The following NFRKB variants were observed in gnomAD, a reference collection of about 807,000 sequenced individuals.
NFRKB encodes nuclear factor related to kappa-B-binding protein.
In NFRKB, 62 loss-of-function variants were observed where a neutral mutation model predicts 135.7. The ratio of observed to expected loss-of-function variants is 0.46; its 90% CI spans 0.37 to 0.56. The LOEUF (loss-of-function observed/expected upper bound fraction) is 0.56. Among genes scored for constraint, NFRKB ranks in the 20% least tolerant of loss-of-function variants. NFRKB has a pLI of 0.00. For missense variants in NFRKB, 1,545 were observed against 1,662.0 expected (o/e 0.93, Z 1.22); for synonymous variants, 678 against 635.6 (o/e 1.07, Z -1.00).
chr11:129,873,038 G>A lies in NFRKB; in HGVS notation c.2609C>T (p.Pro870Leu). Reference sequence around the variant, plus strand: ...CGTGAGCCCTGTCTGCCCGGGTCCAGGCCGCTGCACAGTGGCTGCCGTAGT... The same window carrying A: ...CGTGAGCCCTGTCTGCCCGGGTCCAAGCCGCTGCACAGTGGCTGCCGTAGT... ...AQTTAATVQR[P>L]GPGQTGLTVT... The change falls in exon 23 of 27, where the codon CCT becomes CTT. Residue 870 changes from proline to leucine, a missense_variant. By Grantham distance (98) the Pro-to-Leu change is moderately conservative. Coordinates refer to ENST00000682444, the MANE Select transcript of NFRKB (RefSeq NM_001143835.2). 3 of 1,614,008 alleles carry A rather than the reference G, an allele frequency of 1.9e-6. No individual in the cohort carries two copies. In the South Asian group the frequency reaches 3.3e-5, roughly 18 times the overall value.
At chr11:129,886,537 C>T (rs1322498844) in intron 4 of NFRKB, 93 bp from the exon 5 acceptor site, 5 of 1,159,402 alleles carry the variant, frequency 4.3e-6, no homozygotes, top group Admixed American at 2.1e-5. Context: ...ACATGGTAAA[C>T]TCTGTACCAC....
intron 4 of NFRKB, chr11:129,888,354 G>A (rs1053746896): frequency 2.7e-5 from 18 of 664,638 alleles, no homozygotes; most frequent in Admixed American, 7.0e-5. Flanking sequence ...TGTAGATGCT[G>A]GTTACAAGCT....
At chr11:129,890,844 A>G (rs542805656) in intron 3 of NFRKB, among the ~76,000 whole-genome samples, 100 of 152,334 alleles carry the variant, frequency 6.6e-4, no homozygotes, top group Non-Finnish European at 1.2e-3. Context: ...GGATACAGAA[A>G]ATACGTGTAG....
At chr11:129,885,765 G>A (rs75499598) in intron 5 of NFRKB, among the ~76,000 whole-genome samples, 156 bp from the exon 6 acceptor site, 1,997 of 152,304 alleles carry the variant, frequency 0.013, 45 homozygotes, top group African/African-American at 0.045. Context: ...TAATATATCC[G>A]AAGAATCTGT....
At chr11:129,869,392 A>G in intron 24 of NFRKB, 102 bp downstream of exon 24, 1 of 1,369,548 alleles carries the variant, frequency 7.3e-7, no homozygotes, top group Non-Finnish European at 9.7e-7. Context: ...ACTCCTAAAA[A>G]GAAGTTTCCT....
In NFRKB at chr11:129,874,674, G is replaced by A; in HGVS notation, c.1979-94C>T. 6 of 1,601,760 alleles carry A rather than the reference G, an allele frequency of 3.7e-6. 1 individual carries two copies. Among genetic ancestry groups the A allele is most frequent in the Middle Eastern group, 1.7e-4 (1 of 6,002 alleles). On this transcript the variant is annotated intron_variant, in intron 19 of 26. Transcript: ENST00000682444. The surrounding 1 kb of genome is among the most constrained non-coding windows in gnomAD (Gnocchi z 4.5). ...AAAACCAACACCTTGCCAGTGGACTGAATCCTGCCTCTACCATCTTGTCCT... is the reference window on the plus strand; with the variant it reads ...AAAACCAACACCTTGCCAGTGGACTAAATCCTGCCTCTACCATCTTGTCCT...
In NFRKB at chr11:129,870,104, G is replaced by T; in HGVS notation, c.2921C>A (p.Pro974Gln). The change falls in exon 24 of 27, where the codon CCG becomes CAG. Residue 974 changes from proline (P) to glutamine (Q), a missense_variant. Pro to Gln is a moderately conservative substitution (Grantham distance 76, BLOSUM62 -1). This residue lies in a region of NFRKB where 753 missense variants were observed against 804.3 expected (regional missense o/e 0.94). Coordinates refer to ENST00000682444, the MANE Select transcript of NFRKB (RefSeq NM_001143835.2). ...CTTGGCCAATGTGGCCATCATGTCC[G>T]GAGTGATTCGCAGAACCGTCTGGCC... is the stretch of plus-strand genomic sequence containing the variant. ...AKGQTVLRIT[P>Q]DMMATLAKSQ... 1 of 1,614,274 alleles carries T rather than the reference G, an allele frequency of 6.2e-7. No homozygotes were observed. Among genetic ancestry groups the T allele is most frequent in the Non-Finnish European group, 8.5e-7 (1 of 1,180,052 alleles).
Position 129,881,845 on chromosome 11 carries a change from C to T in NFRKB, c.1200G>A (p.Glu400=). The change falls in exon 12 of 27, where the codon GAG becomes GAA. Residue 400 remains glutamate, a synonymous_variant. Coordinates refer to ENST00000682444, the MANE Select transcript of NFRKB (RefSeq NM_001143835.2). ...ESQASLPMLE[E]RVLDWQSSPA... ...GCGATGACTGCCAATCCAAAACTCGCTCCTCTAGCTGAGGGAAAGCAAAGG... is the reference window on the plus strand; with the variant it reads ...GCGATGACTGCCAATCCAAAACTCGTTCCTCTAGCTGAGGGAAAGCAAAGG... 1 of 1,604,324 alleles carries T rather than the reference C, an allele frequency of 6.2e-7. No homozygotes were observed. The highest frequency in any genetic ancestry group is 1.1e-5 in the South Asian group (1 of 89,176).
At chr11:129,878,613 T>TA in intron 13 of NFRKB, 70 bp from the exon 14 acceptor site, 1 of 1,245,104 alleles carries the variant, frequency 8.0e-7, no homozygotes, top group Non-Finnish European at 1.2e-6. Context: ...GCTTTCTCTT[T>TA]ACTAGCTGTA....
At chr11:129,884,372 C>A (rs1949170885) in intron 7 of NFRKB, among the ~76,000 whole-genome samples, 1 of 152,220 alleles carries the variant, frequency 6.6e-6, no homozygotes, top group African/African-American at 2.4e-5. Context: ...TCTTAACCAT[C>A]TTTGCTTCCT....
chr11:129,892,042 CTT>C (rs148860141), intron 3 of NFRKB, among the ~76,000 whole-genome samples: 2 of 149,782 alleles, frequency 1.3e-5, no homozygotes, highest in Non-Finnish European at 3.0e-5. Context: ...TAATTTCTTC[CTT>C]TTTTTTTTCT....
At chr11:129,870,321 C>A in intron 23 of NFRKB, 60 bp from the exon 24 acceptor site, 1 of 1,528,814 alleles carries the variant, frequency 6.5e-7, no homozygotes, top group Non-Finnish European at 8.8e-7. Context: ...TTACAAAATA[C>A]AACTAGACAA....
chr11:129,880,803 T>G lies in NFRKB; in HGVS notation c.1384+640A>C, dbSNP rs888023345. 3.9e-5 allele frequency among the ~76,000 whole-genome samples: 6 copies of G among 152,318 alleles called. 1 individual carries two copies. Among genetic ancestry groups the G allele is most frequent in the Middle Eastern group, 6.8e-3 (2 of 294 alleles). On this transcript the variant is annotated intron_variant, in intron 13 of 26. Transcript: ENST00000682444. ...GCCTGACACCCAGAAGCTGAATAAA[T>G]GTAATAAATAACGAATGAATGAGTC...
rs148289841 is a variant in NFRKB, at chr11:129,882,169, G to T, written c.1108C>A (p.Leu370Ile). Reference sequence around the variant, plus strand: ...CTGGAAGATATTTCATTGATTCCAAGGCAAGGCTTGAGGTCTTCAAGGGGC... The same window carrying T: ...CTGGAAGATATTTCATTGATTCCAATGCAAGGCTTGAGGTCTTCAAGGGGC... ...EEPLEDLKPC[L>I]GINEISSSFF... Residue 370 changes from leucine to isoleucine, a missense_variant, in exon 11 of 27, where the codon CTT becomes ATT. Physicochemically the swap from Leu to Ile is conservative, Grantham distance 5 (BLOSUM62 2). Transcript: ENST00000682444. 212 of 1,613,074 alleles carry T rather than the reference G, an allele frequency of 1.3e-4. 1 individual carries two copies. In the African/African-American group the frequency reaches 2.6e-3, roughly 20 times the overall value.
chr11:129,881,820 G>A lies in NFRKB; in HGVS notation c.1225C>T (p.Pro409Ser). The change falls in exon 12 of 27, where the codon CCA becomes TCA. Residue 409 changes from proline to serine, a missense_variant. Around this residue, in one of 3 missense-constraint regions of NFRKB, gnomAD observed 678 missense variants for 646.7 expected, o/e 1.05. Transcript: ENST00000682444. ...AACCAGCTGTTGAGGGAGCTGGCTG[G>A]CGATGACTGCCAATCCAAAACTCGC... Reference protein sequence around the residue: ...EERVLDWQSSPASSLNSWFSA... With the variant: ...EERVLDWQSSSASSLNSWFSA... 6.2e-7 allele frequency: 1 copy of A among 1,612,238 alleles called. No homozygotes were observed. Among genetic ancestry groups the A allele is most frequent in the East Asian group, 2.2e-5 (1 of 44,850 alleles).
intron 6 of NFRKB, among the ~76,000 whole-genome samples, chr11:129,885,178 T>C (rs913582159): frequency 6.6e-6 from 1 of 151,980 alleles, no homozygotes; most frequent in Non-Finnish European, 1.5e-5. Context: ...CAGGGAGTCG[T>C]CTGGCGGGCT....
chr11:129,865,967 C>T lies in NFRKB; in HGVS notation c.3548G>A (p.Arg1183Gln). ...STSQAGKLPT[R>Q]ITVPLSVISQ... ...GATCACAGAGAGGGGAACTGTGATC[C>T]GTGTAGGCAACTTCCCCTAGAAAAA... The change falls in exon 25 of 27, where the codon CGG (arginine) becomes CAG (glutamine). Residue 1183 changes from arginine (R) to glutamine (Q), a missense_variant. Physicochemically the swap from Arg to Gln is conservative, Grantham distance 43 (BLOSUM62 1). Coordinates refer to ENST00000682444, the MANE Select transcript of NFRKB (RefSeq NM_001143835.2). 4 of 1,594,318 alleles carry T rather than the reference C, an allele frequency of 2.5e-6. No homozygotes were observed. Among genetic ancestry groups the T allele is most frequent in the Non-Finnish European group, 3.4e-6 (4 of 1,170,792 alleles).
intron 17 of NFRKB, among the ~76,000 whole-genome samples, chr11:129,875,702 G>A (rs1421019456): frequency 6.9e-6 from 1 of 145,672 alleles, no homozygotes; most frequent in South Asian, 2.2e-4. Flanking sequence ...TGTCACCCAG[G>A]TTGAGGTGCA....
At chr11:129,888,830 T>C (rs1467617322) in intron 3 of NFRKB, 35 bp from the exon 4 acceptor site, 3 of 1,577,030 alleles carry the variant, frequency 1.9e-6, no homozygotes, top group South Asian at 1.1e-5. Context: ...AAAAGTAAAA[T>C]AAATTTTTGA....
Sources: gnomAD v4.1 joint callset for allele counts (sites outside exome capture counted in the v4.1 genomes callset) on GRCh38, gnomAD v4.1.1 for gene constraint, gnomAD v4.1.1 regional missense constraint, Gnocchi (gnomAD v3.1) non-coding constraint, MANE v1.5 for transcripts, NCBI Gene and HGNC (gene_info 2026-07-23, HGNC 2026-07-21) for gene names.